Variants in GSAP observed in about 807,000 individuals in gnomAD.
GSAP encodes gamma-secretase activating protein, also known as gamma-secretase-activating protein.
In GSAP, 118 loss-of-function variants were observed where a neutral mutation model predicts 131.7. That is an observed-to-expected ratio of 0.90 (90% CI 0.77 to 1.04). The LOEUF (loss-of-function observed/expected upper bound fraction) is 1.04, where lower values mean the gene tolerates loss of function less well. Ranked by LOEUF, GSAP falls within the 50% of genes least tolerant of loss-of-function variation. The pLI, the probability that GSAP is intolerant of heterozygous loss-of-function variation, is 0.00. For synonymous variants in GSAP, 381 were observed against 363.4 expected (o/e 1.05, Z -0.55); for missense variants, 1,019 against 1,013.2 (o/e 1.01, Z -0.08).
Position 77,368,555 on chromosome 7 carries a change from G to C in GSAP, c.871+5515C>G, listed in dbSNP as rs546455859. Reference sequence around the variant, plus strand: ...TTAAGTCAGAATCTCTGGGGGGTGAGACTCAGGCATTTGTATTTTTTAAAG... The same window carrying C: ...TTAAGTCAGAATCTCTGGGGGGTGACACTCAGGCATTTGTATTTTTTAAAG... On this transcript the variant is annotated intron_variant, in intron 12 of 30. Coordinates refer to ENST00000257626, the MANE Select transcript of GSAP (RefSeq NM_017439.4). Among the ~76,000 whole-genome samples the C allele has an allele frequency of 3.3e-5, 5 of 152,310 alleles. No homozygotes were observed. The East Asian group carries it at 5.8e-4, about 18-fold the overall frequency.
intron 3 of GSAP, among the ~76,000 whole-genome samples, chr7:77,402,411 AATAT>A (rs1554435131): frequency 1.5e-5 from 2 of 136,176 alleles, no homozygotes; most frequent in African/African-American, 5.5e-5. Flanking sequence ...AGAAAAAAAA[AATAT>A]ATATATATAC....
intron 26 of GSAP, among the ~76,000 whole-genome samples, chr7:77,319,030 T>G (rs1382243257): frequency 6.6e-6 from 1 of 152,048 alleles, no homozygotes; most frequent in Non-Finnish European, 1.5e-5. Context: ...CAAACCTGTG[T>G]GTTGTGCACA....
intron 8 of GSAP, among the ~76,000 whole-genome samples, chr7:77,378,922 A>G (rs1255994609): frequency 6.6e-6 from 1 of 152,218 alleles, no homozygotes; most frequent in East Asian, 1.9e-4. Flanking sequence ...AATGGTCCAT[A>G]TTCATGCCTA....
chr7:77,409,362 G>A (rs1802869627), intron 1 of GSAP, among the ~76,000 whole-genome samples: 1 of 152,230 alleles, frequency 6.6e-6, no homozygotes, highest in African/African-American at 2.4e-5. Context: ...TCACAATTTA[G>A]AGAGTTCTCA....
At chr7:77,343,621 A>T (rs1791345140) in intron 19 of GSAP, among the ~76,000 whole-genome samples, 1 of 152,196 alleles carries the variant, frequency 6.6e-6, no homozygotes, top group Non-Finnish European at 1.5e-5. Flanking sequence ...TAGCTAAAGA[A>T]GCAGCTAGCA....
chr7:77,397,454 A>G, intron 3 of GSAP, 39 bp from the exon 4 acceptor site: 1 of 1,059,118 alleles, frequency 9.4e-7, no homozygotes, highest in Non-Finnish European at 1.4e-6. Context: ...GAAGTTTCAT[A>G]CATTAAATAA....
Position 77,311,202 on chromosome 7 carries a change from G to A in GSAP, c.*156C>T, listed in dbSNP as rs534716377. On this transcript the variant is annotated 3_prime_UTR_variant, in exon 31 of 31. Coordinates refer to ENST00000257626, the MANE Select transcript of GSAP (RefSeq NM_017439.4). ...AATTGGAATGTGATACAGCAGTTCT[G>A]TCTGAACGTGTACCAACCTGAAACT... is the stretch of plus-strand genomic sequence containing the variant. 1 of 600,426 alleles carries A rather than the reference G, an allele frequency of 1.7e-6. No individual in the cohort carries two copies. Among genetic ancestry groups the A allele is most frequent in the African/African-American group, 1.9e-5 (1 of 54,012 alleles). 37.2% of individuals were successfully genotyped at this position (600,426 alleles called of 1,614,324 possible). A position where few individuals can be genotyped will look rare whatever the true frequency, so the allele number is the denominator to read the frequency against.
At chr7:77,328,940 ACT>A (rs1310635571) in intron 21 of GSAP, among the ~76,000 whole-genome samples, 2 of 152,098 alleles carry the variant, frequency 1.3e-5, no homozygotes, top group African/African-American at 2.4e-5. Context: ...TACTTTTAGT[ACT>A]CTGAGATGAC....
chr7:77,328,417 G>T, intron 22 of GSAP, 189 bp downstream of exon 22: 1 of 1,299,114 alleles, frequency 7.7e-7, no homozygotes, highest in Non-Finnish European at 9.8e-7. Flanking sequence ...GCTGTCCCCG[G>T]AGGTCCTGGT....
intron 1 of GSAP, among the ~76,000 whole-genome samples, chr7:77,413,722 G>T (rs1321114921): frequency 2.0e-5 from 3 of 152,154 alleles, no homozygotes; most frequent in Non-Finnish European, 4.4e-5. Context: ...ATATAAAAAT[G>T]TAAATGGTTG....
intron 19 of GSAP, chr7:77,330,571 C>CTA: frequency 4.3e-6 from 4 of 934,200 alleles, no homozygotes; most frequent in Non-Finnish European, 5.2e-6. Flanking sequence ...CATTTTCTGT[C>CTA]TCTTTTTTTT....
intron 6 of GSAP, among the ~76,000 whole-genome samples, chr7:77,386,701 G>C (rs1405018336): frequency 6.6e-6 from 1 of 152,124 alleles, no homozygotes; most frequent in Admixed American, 6.5e-5. Context: ...CCAGGAAAAA[G>C]CACAAAAATT....
intron 6 of GSAP, among the ~76,000 whole-genome samples, chr7:77,385,258 T>A (rs1477420999): frequency 6.6e-6 from 1 of 152,094 alleles, no homozygotes; most frequent in Non-Finnish European, 1.5e-5. Context: ...GGTCTCAAAC[T>A]CCTGAGCTCA....
chr7:77,318,682 A>C (rs1787199419), intron 26 of GSAP, among the ~76,000 whole-genome samples: 1 of 152,178 alleles, frequency 6.6e-6, no homozygotes, highest in Non-Finnish European at 1.5e-5. Context: ...TGGGACCCTT[A>C]TCTTTACCAT....
At chr7:77,412,873 T>C (rs2151226951) in intron 1 of GSAP, among the ~76,000 whole-genome samples, 1 of 151,640 alleles carries the variant, frequency 6.6e-6, no homozygotes, top group Non-Finnish European at 1.5e-5. Flanking sequence ...AGAGTGTTAA[T>C]AAGTACAACA....
At position 77,355,598 on chromosome 7, in the gene GSAP, A is replaced by G; in HGVS notation, c.1077T>C (p.Asn359=). The G allele has an allele frequency of 1.2e-6, 2 of 1,611,082 alleles. No homozygotes were observed. The highest frequency in any genetic ancestry group is 1.1e-5 in the South Asian group (1 of 91,016). Residue 359 remains asparagine, a synonymous_variant, in exon 15 of 31, where the codon AAT becomes AAC. Transcript: ENST00000257626. Reference sequence around the variant, plus strand: ...GGCAGATCAGGTCTGGATGTTGAACATTAAGTAGGTGGAAGAAATGACCAG... The same window carrying G: ...GGCAGATCAGGTCTGGATGTTGAACGTTAAGTAGGTGGAAGAAATGACCAG... The part of the protein sequence containing the change: ...YLPGHFFHLL[N]VQHPDLICHN...
chr7:77,375,067 G>A lies in GSAP; in HGVS notation c.776C>T (p.Ser259Leu). The A allele has an allele frequency of 6.6e-7, 1 of 1,525,124 alleles. No homozygotes were observed. The highest frequency in any genetic ancestry group is 1.2e-5 in the South Asian group (1 of 86,196). 94.5% of individuals were successfully genotyped at this position (1,525,124 alleles called of 1,614,324 possible). ...EVPLDISLSN[S>L]GFKLVNFGCD... is the part of the protein sequence containing the mutation. ...CCTATGAATAACTTACTTAAATCCT[G>A]AGTTGCTTAATGATATGTCCAAGGG... The change falls in exon 11 of 31, where the codon TCA (serine) becomes TTA (leucine). Residue 259 changes from serine to leucine, a missense_variant. By Grantham distance (145) the Ser-to-Leu change is moderately radical. Transcript: ENST00000257626.
chr7:77,393,357 C>A (rs1307894387), intron 5 of GSAP, among the ~76,000 whole-genome samples: 1 of 152,132 alleles, frequency 6.6e-6, no homozygotes, highest in African/African-American at 2.4e-5. Context: ...GAAACCTTCC[C>A]ATGATGAGCA....
intron 12 of GSAP, among the ~76,000 whole-genome samples, chr7:77,368,225 G>T (rs1197558273): frequency 6.6e-6 from 1 of 151,748 alleles, no homozygotes. Flanking sequence ...TTCTCCATGG[G>T]TTAAGTTGTT....
Sources: allele counts gnomAD v4.1 joint callset (sites outside exome capture counted in the v4.1 genomes callset), GRCh38; gene constraint gnomAD v4.1.1; transcripts MANE v1.5; gene names NCBI Gene and HGNC (gene_info 2026-07-23, HGNC 2026-07-21).